The following KCNK12 variants were observed in gnomAD, a reference collection of about 807,000 sequenced individuals.
The protein encoded by KCNK12 is potassium two pore domain channel subfamily K member 12, also known as potassium channel subfamily K member 12.
Under a neutral mutation model 25.3 loss-of-function variants are expected in KCNK12, and 6 were observed. The observed-to-expected ratio is 0.24, with a 90% confidence interval of 0.13 to 0.47. The LOEUF is 0.47. KCNK12 is among the 20% of genes least tolerant of loss of function. KCNK12 has a pLI of 0.99. For synonymous variants in KCNK12, 331 were observed against 311.1 expected (o/e 1.06, Z -0.67); for missense variants, 444 against 661.7 (o/e 0.67, Z 3.61).
Position 47,528,952 on chromosome 2 carries a change from AC to A in KCNK12, c.392-7145del, listed in dbSNP as rs943981564. On this transcript the variant is annotated intron_variant, in intron 1 of 1. Transcript: ENST00000327876. The surrounding 1 kb of genome is among the most constrained non-coding windows in gnomAD (Gnocchi z 4.5). ...GCCACCCTGTGAGGGAGGCACTATT[AC>A]GCCCAAAAATGCAGGCAAGGAAATG... 2.0e-5 allele frequency: 3 copies of A among 152,282 alleles called. No homozygotes were observed. The highest frequency in any genetic ancestry group is 7.2e-5 in the African/African-American group (3 of 41,446). 9.4% of individuals were successfully genotyped at this position (152,282 alleles called of 1,614,324 possible).
chr2:47,559,638 G>A (rs568933070), intron 1 of KCNK12, among the ~76,000 whole-genome samples: 11 of 152,298 alleles, frequency 7.2e-5, no homozygotes, highest in Admixed American at 3.9e-4. Context: ...TAGCTTCTGA[G>A]GTGGAGAAAG....
intron 1 of KCNK12, among the ~76,000 whole-genome samples, chr2:47,522,183 ACTC>A (rs1029034551): frequency 5.9e-5 from 9 of 151,800 alleles, no homozygotes; most frequent in Admixed American, 3.3e-4. Context: ...CTGCTCTCCC[ACTC>A]CTCCAAATTT....
In KCNK12 at chr2:47,565,470, CA is replaced by C; in HGVS notation, c.391+4470del. 6.6e-6 allele frequency: 1 copy of C among 152,164 alleles called. No homozygotes were observed. Among genetic ancestry groups the C allele is most frequent in the East Asian group, 1.9e-4 (1 of 5,182 alleles). 9.4% of individuals were successfully genotyped at this position (152,164 alleles called of 1,614,324 possible). ...AGTAGCAAGCTAAATTATGCAGTGCCAAAAGTGACAACTCTTATACCTACAC... is the reference window on the plus strand; with the variant it reads ...AGTAGCAAGCTAAATTATGCAGTGCCAAAGTGACAACTCTTATACCTACAC... On this transcript the variant is annotated intron_variant, in intron 1 of 1. Coordinates refer to ENST00000327876, the MANE Select transcript of KCNK12 (RefSeq NM_022055.2). The surrounding 1 kb of genome is among the most constrained non-coding windows in gnomAD (Gnocchi z 5.0).
intron 1 of KCNK12, among the ~76,000 whole-genome samples, chr2:47,541,618 G>T (rs559700498): frequency 6.6e-6 from 1 of 152,086 alleles, no homozygotes; most frequent in Non-Finnish European, 1.5e-5. Context: ...TGGTAGAAAG[G>T]CTTTTTAAAA....
Position 47,570,271 on chromosome 2 carries a change from AG to A in KCNK12, c.60del (p.Ser21ProfsTer110). 2 of 1,415,316 alleles carry A rather than the reference AG, an allele frequency of 1.4e-6. No homozygotes were observed. The highest frequency in any genetic ancestry group is 1.8e-6 in the Non-Finnish European group (2 of 1,085,696). The allele number at this position is 1,415,316 out of a possible 1,614,324, so 87.7% of individuals were successfully genotyped here. On this transcript the variant is annotated frameshift_variant, in exon 1 of 2. Coordinates refer to ENST00000327876, the MANE Select transcript of KCNK12 (RefSeq NM_022055.2). LOFTEE classifies it high-confidence loss of function. ...PRRSRRRLPR[P>X]SCCCCCCRRS... ...CGGCGGCAGCAGCAGCAGCAGCAGG[AG>A]GGGCGCGGCAGGCGGCGGCGGCTAC...
chr2:47,545,383 C>CT (rs1385991092), intron 1 of KCNK12, among the ~76,000 whole-genome samples: 3 of 152,216 alleles, frequency 2.0e-5, no homozygotes, highest in African/African-American at 7.2e-5. Context: ...CTTGGAAAGG[C>CT]TGGGGACCAC....
At position 47,563,088 on chromosome 2, in the gene KCNK12, T is replaced by A. The variant is rs572234729; in HGVS notation, c.391+6853A>T. On this transcript the variant is annotated intron_variant, in intron 1 of 1. Transcript: ENST00000327876. ...GAATCTGAGGCAGCCAAACAAGGCATGGGAGTGCTGCTCCAGGTGTCAGGG... is the reference window on the plus strand; with the variant it reads ...GAATCTGAGGCAGCCAAACAAGGCAAGGGAGTGCTGCTCCAGGTGTCAGGG... The A allele has an allele frequency of 4.5e-4, 106 of 233,392 alleles. 2 individuals carry two copies. In the South Asian group the frequency reaches 0.01, roughly 23 times the overall value. 14.5% of individuals were successfully genotyped at this position (233,392 alleles called of 1,614,324 possible).
chr2:47,536,535 C>T (rs1354020715), intron 1 of KCNK12, among the ~76,000 whole-genome samples: 1 of 152,132 alleles, frequency 6.6e-6, no homozygotes. Context: ...TTTTTGAGAC[C>T]TGCTGTGTGC....
Position 47,512,148 on chromosome 2 carries a change from T to G in KCNK12, c.*8759A>C, listed in dbSNP as rs1668417242. ...CATTTCTTTCCATCCTGCATCCAGA[T>G]GGCTGGTCCTGCTCCTCCCAGTCCA... is the stretch of plus-strand genomic sequence containing the variant. On this transcript the variant is annotated 3_prime_UTR_variant, in exon 2 of 2. Coordinates refer to ENST00000327876, the MANE Select transcript of KCNK12 (RefSeq NM_022055.2). 2.0e-5 allele frequency among the ~76,000 whole-genome samples: 3 copies of G among 152,296 alleles called. No individual in the cohort carries two copies. The South Asian group carries it at 6.2e-4, about 32-fold the overall frequency.
At chr2:47,553,838 CT>C (rs1474650591) in intron 1 of KCNK12, among the ~76,000 whole-genome samples, 1 of 152,214 alleles carries the variant, frequency 6.6e-6, no homozygotes, top group African/African-American at 2.4e-5. Flanking sequence ...CCTGACCTCA[CT>C]CACACTGTTC....
In KCNK12 at chr2:47,538,706, G is replaced by A. The variant is rs911760941; in HGVS notation, c.392-16898C>T. 6.6e-6 allele frequency among the ~76,000 whole-genome samples: 1 copy of A among 152,192 alleles called. No homozygotes were observed. Among genetic ancestry groups the A allele is most frequent in the African/African-American group, 2.4e-5 (1 of 41,440 alleles). ...GAATCATTTGAACCCAGGAGGCAGA[G>A]GCTGCAGTGAGCCTAGACTGCACCA... On this transcript the variant is annotated intron_variant, in intron 1 of 1. Coordinates refer to ENST00000327876, the MANE Select transcript of KCNK12 (RefSeq NM_022055.2). The surrounding 1 kb of genome is among the most constrained non-coding windows in gnomAD (Gnocchi z 4.5).
rs529966090 is a variant in KCNK12 at position 47,519,807 on chromosome 2, T to C, written c.*1100A>G. 5 of 152,278 alleles carry C rather than the reference T, an allele frequency of 3.3e-5. No homozygotes were observed. The highest frequency in any genetic ancestry group is 3.3e-4 in the Admixed American group (5 of 15,290). 9.4% of individuals were successfully genotyped at this position (152,278 alleles called of 1,614,324 possible). The stretch of plus-strand genomic sequence containing the variant: ...ACACATCATGGCCTCTGGAGCCAAA[T>C]ACCCTGACATTTGCAAGATGGCTTC... On this transcript the variant is annotated 3_prime_UTR_variant, in exon 2 of 2. Transcript: ENST00000327876.
chr2:47,564,713 T>C (rs1390495463), intron 1 of KCNK12: 1 of 174,292 alleles, frequency 5.7e-6, no homozygotes, highest in Non-Finnish European at 1.2e-5. Flanking sequence ...ATAATAAATA[T>C]TGTTTACTAT....
rs766426330 is a variant in KCNK12 at position 47,514,153 on chromosome 2, T to A, written c.*6754A>T. On this transcript the variant is annotated 3_prime_UTR_variant, in exon 2 of 2. Transcript: ENST00000327876. This position sits in a 1 kb window ranked among gnomAD's most constrained non-coding sequence, Gnocchi z 5.0. ...CTCTGTTCTTCCCACACACTGCTCC[T>A]CTGCCTGGGCCACTCTTCCTGCTCC... Among the ~76,000 whole-genome samples, 23 of 152,226 alleles carry A rather than the reference T, an allele frequency of 1.5e-4. No individual in the cohort carries two copies. The highest frequency in any genetic ancestry group is 2.8e-4 in the Non-Finnish European group (19 of 68,046).
intron 1 of KCNK12, among the ~76,000 whole-genome samples, chr2:47,545,040 A>G (rs1669284491): frequency 6.6e-6 from 1 of 152,224 alleles, no homozygotes; most frequent in Non-Finnish European, 1.5e-5. Context: ...AGTGAATTAA[A>G]GACCACTCGT....
rs150054434 is a variant in KCNK12, at chr2:47,539,904, C to T, written c.392-18096G>A. On this transcript the variant is annotated intron_variant, in intron 1 of 1. Coordinates refer to ENST00000327876, the MANE Select transcript of KCNK12 (RefSeq NM_022055.2). ...TATCTCAGAGAGGCTGTGTGACTTG[C>T]CCACGTATGAGTACAGTGGCTAAAT... 1.6e-3 allele frequency among the ~76,000 whole-genome samples: 244 copies of T among 152,276 alleles called. No homozygotes were observed. The Middle Eastern group carries it at 0.017, about 11-fold the overall frequency.
rs1041020511 is a variant in KCNK12 at position 47,569,305 on chromosome 2, G to A, written c.391+636C>T. ...TTGGAGAAGGGGCTGGGAGCTGGGG[G>A]AGAACACAAGGAAGGGAGGCAGAAC... On this transcript the variant is annotated intron_variant, in intron 1 of 1. Coordinates refer to ENST00000327876, the MANE Select transcript of KCNK12 (RefSeq NM_022055.2). This position sits in a 1 kb window ranked among gnomAD's most constrained non-coding sequence, Gnocchi z 4.1. Among the ~76,000 whole-genome samples the A allele has an allele frequency of 2.6e-5, 4 of 152,082 alleles. No individual in the cohort carries two copies. Among genetic ancestry groups the A allele is most frequent in the African/African-American group, 9.7e-5 (4 of 41,408 alleles).
chr2:47,522,693 G>C (rs1668684741), intron 1 of KCNK12, among the ~76,000 whole-genome samples: 1 of 152,172 alleles, frequency 6.6e-6, no homozygotes, highest in Admixed American at 6.5e-5. Context: ...TTCTTAGTCT[G>C]CCAACATTTC....
chr2:47,560,707 A>G lies in KCNK12; in HGVS notation c.391+9234T>C, dbSNP rs1035790100. Among the ~76,000 whole-genome samples the G allele has an allele frequency of 1.3e-5, 2 of 152,236 alleles. No individual in the cohort carries two copies. The highest frequency in any genetic ancestry group is 4.8e-5 in the African/African-American group (2 of 41,452). On this transcript the variant is annotated intron_variant, in intron 1 of 1. Transcript: ENST00000327876. The surrounding 1 kb of genome is among the most constrained non-coding windows in gnomAD (Gnocchi z 4.7). Reference sequence around the variant, plus strand: ...GGATTTTTGGGAGCTTACTGAGTAAACACAGATAAAAACACAGTGAACTGG... The same window carrying G: ...GGATTTTTGGGAGCTTACTGAGTAAGCACAGATAAAAACACAGTGAACTGG...
Sources: gnomAD v4.1 joint callset for allele counts (sites outside exome capture counted in the v4.1 genomes callset) on GRCh38, gnomAD v4.1.1 for gene constraint, Gnocchi (gnomAD v3.1) non-coding constraint, MANE v1.5 for transcripts, NCBI Gene and HGNC (gene_info 2026-07-23, HGNC 2026-07-21) for gene names.